ATRNL1: variants seen among roughly 807,000 people sequenced by gnomAD.
The protein encoded by ATRNL1 is attractin-like protein 1.
Under a neutral mutation model 182.7 loss-of-function variants are expected in ATRNL1, and 95 were observed. The ratio of observed to expected loss-of-function variants is 0.52; its 90% CI spans 0.44 to 0.62. The LOEUF is 0.62. ATRNL1 is among the 20% of genes least tolerant of loss of function. The pLI, the probability that ATRNL1 is intolerant of heterozygous loss-of-function variation, is 0.00. For synonymous variants in ATRNL1, 576 were observed against 568.3 expected (o/e 1.01, Z -0.19); for missense variants, 1,471 against 1,679.5 (o/e 0.88, Z 2.17).
At chr10:115,686,839 T>C (rs1357867954) in intron 26 of ATRNL1, among the ~76,000 whole-genome samples, 3 of 152,050 alleles carry the variant, frequency 2.0e-5, no homozygotes, top group African/African-American at 7.2e-5. Flanking sequence ...AAGCACCTTA[T>C]TGAGTAATAA....
chr10:115,915,041 A>G (rs1206987763), intron 28 of ATRNL1, among the ~76,000 whole-genome samples: 1 of 152,212 alleles, frequency 6.6e-6, no homozygotes, highest in Non-Finnish European at 1.5e-5. Flanking sequence ...CTGAAATATT[A>G]TTCTTGTGGC....
intron 3 of ATRNL1, among the ~76,000 whole-genome samples, chr10:115,127,223 G>A (rs1405388256): frequency 6.6e-6 from 1 of 152,104 alleles, no homozygotes; most frequent in African/African-American, 2.4e-5. Context: ...AAGGTACAGG[G>A]TTTTATTAGA....
intron 25 of ATRNL1, among the ~76,000 whole-genome samples, chr10:115,539,292 C>G (rs1852218824): frequency 6.6e-6 from 1 of 152,028 alleles, no homozygotes. Flanking sequence ...TTTTGAAATG[C>G]TTTTGCAACT....
At position 115,785,560 on chromosome 10, in the gene ATRNL1, A is replaced by G. The variant is rs1555080235; in HGVS notation, c.3903+58205A>G. 2.0e-5 allele frequency among the ~76,000 whole-genome samples: 3 copies of G among 152,208 alleles called. No homozygotes were observed. The East Asian group carries it at 5.8e-4, about 29-fold the overall frequency. ...AAGGCCCTCCACAGATCTTTTCTAG[A>G]TAATCTCTTGTCTATTGCTGGCTTC... On this transcript the variant is annotated intron_variant, in intron 27 of 28. Transcript: ENST00000355044.
chr10:115,498,151 G>C (rs1849644406), intron 24 of ATRNL1, among the ~76,000 whole-genome samples: 1 of 151,938 alleles, frequency 6.6e-6, no homozygotes, highest in South Asian at 2.1e-4. Context: ...CATGACTTAA[G>C]AAAATAATAT....
rs527542668 is a variant in ATRNL1 at position 115,539,928 on chromosome 10, A to G, written c.3717-9530A>G. Reference sequence around the variant, plus strand: ...ATGGAAAAGTAGAGCCCACAAATCCAGAAAGGACCTAGGAGATAATGGAGA... The same window carrying G: ...ATGGAAAAGTAGAGCCCACAAATCCGGAAAGGACCTAGGAGATAATGGAGA... On this transcript the variant is annotated intron_variant, in intron 25 of 28. Coordinates refer to ENST00000355044, the MANE Select transcript of ATRNL1 (RefSeq NM_207303.4). Among the ~76,000 whole-genome samples the G allele has an allele frequency of 6.2e-5, 9 of 145,696 alleles. No individual in the cohort carries two copies. The South Asian group carries it at 2.0e-3, about 32-fold the overall frequency.
intron 25 of ATRNL1, among the ~76,000 whole-genome samples, chr10:115,522,544 G>T (rs1387919443): frequency 3.9e-5 from 6 of 152,146 alleles, no homozygotes; most frequent in African/African-American, 1.4e-4. Context: ...ATGTGCTTTG[G>T]AGGGTCAAAT....
intron 26 of ATRNL1, among the ~76,000 whole-genome samples, chr10:115,598,659 T>A (rs2420090): frequency 0.97 from 147,975 of 152,104 alleles, 72,138 homozygotes; most frequent in Non-Finnish European, 1. Context: ...AAAAACCCAT[T>A]CCTATTATAA....
chr10:115,914,438 A>G (rs2134537057), intron 28 of ATRNL1, among the ~76,000 whole-genome samples: 1 of 152,298 alleles, frequency 6.6e-6, no homozygotes, highest in South Asian at 2.1e-4. Context: ...ATTTGGGGGT[A>G]TGGAATAGGC....
chr10:115,334,037 T>G (rs535489270), intron 18 of ATRNL1, among the ~76,000 whole-genome samples: 6 of 152,292 alleles, frequency 3.9e-5, no homozygotes, highest in Non-Finnish European at 7.4e-5. Flanking sequence ...ACTTTTATGT[T>G]CCAGTTCATC....
At chr10:115,799,059 TCG>T in intron 27 of ATRNL1, among the ~76,000 whole-genome samples, 1 of 152,088 alleles carries the variant, frequency 6.6e-6, no homozygotes, top group Non-Finnish European at 1.5e-5. Flanking sequence ...ACTCCTGACC[TCG>T]TGTTCCGCCC....
intron 28 of ATRNL1, among the ~76,000 whole-genome samples, chr10:115,896,453 C>T (rs538036540): frequency 9.0e-4 from 137 of 152,048 alleles, no homozygotes; most frequent in Middle Eastern, 6.8e-3. Flanking sequence ...ACAAAGATAG[C>T]GCAGTAAAAG....
intron 25 of ATRNL1, among the ~76,000 whole-genome samples, chr10:115,539,126 A>T (rs888128379): frequency 6.6e-6 from 1 of 152,214 alleles, no homozygotes; most frequent in Non-Finnish European, 1.5e-5. Context: ...CCCATTAGTA[A>T]GTGACACATG....
intron 1 of ATRNL1, 105 bp from the exon 2 acceptor site, chr10:115,120,080 A>T (rs1844659924): frequency 3.0e-6 from 2 of 656,132 alleles, no homozygotes; most frequent in Non-Finnish European, 5.2e-6. Context: ...GAAAATTGTT[A>T]TGTCCCGTTC....
At chr10:115,895,072 A>C (rs1952172557) in intron 28 of ATRNL1, among the ~76,000 whole-genome samples, 2 of 152,346 alleles carry the variant, frequency 1.3e-5, no homozygotes, top group Non-Finnish European at 2.9e-5. Context: ...ATGTAATTAA[A>C]ACAATTTCAT....
intron 25 of ATRNL1, among the ~76,000 whole-genome samples, chr10:115,546,922 G>T: frequency 6.6e-6 from 1 of 152,052 alleles, no homozygotes. Context: ...GACTGATTTT[G>T]TTTAACCTAG....
At chr10:115,608,829 T>C (rs1279272394) in intron 26 of ATRNL1, among the ~76,000 whole-genome samples, 1 of 151,266 alleles carries the variant, frequency 6.6e-6, no homozygotes, top group Non-Finnish European at 1.5e-5. Flanking sequence ...AAATACACTT[T>C]GGACTTTGCA....
intron 27 of ATRNL1, among the ~76,000 whole-genome samples, chr10:115,735,969 A>G (rs1947938305): frequency 6.6e-6 from 1 of 152,156 alleles, no homozygotes; most frequent in Non-Finnish European, 1.5e-5. Context: ...TCTCTCCAAA[A>G]TCCCTGTGTT....
At chr10:115,734,008 T>C (rs1947876881) in intron 27 of ATRNL1, among the ~76,000 whole-genome samples, 1 of 152,166 alleles carries the variant, frequency 6.6e-6, no homozygotes, top group African/African-American at 2.4e-5. Context: ...ATTCTGTTTT[T>C]CTCAGTATTA....
Sources: gnomAD v4.1 joint callset for allele counts (sites outside exome capture counted in the v4.1 genomes callset) on GRCh38, gnomAD v4.1.1 for gene constraint, MANE v1.5 for transcripts, NCBI Gene and HGNC (gene_info 2026-07-23, HGNC 2026-07-21) for gene names.